NRG2: variants seen among roughly 807,000 people sequenced by gnomAD.
The protein encoded by NRG2 is neuregulin 2.
NRG2 carries 27 observed loss-of-function variants against 73.9 expected under a neutral mutation model. That is an observed-to-expected ratio of 0.37 (90% CI 0.27 to 0.50). NRG2 has a LOEUF of 0.50. Among genes scored for constraint, NRG2 ranks in the 20% least tolerant of loss-of-function variants. The probability of loss-of-function intolerance (pLI) is 0.96; values close to 1 mark genes in which losing one functional copy is unlikely to be tolerated. For synonymous variants in NRG2, 532 were observed against 541.0 expected (o/e 0.98, Z 0.23); for missense variants, 1,126 against 1,210.1 (o/e 0.93, Z 1.03).
At chr5:139,984,966 C>T (rs1757062011) in intron 1 of NRG2, among the ~76,000 whole-genome samples, 1 of 152,214 alleles carries the variant, frequency 6.6e-6, no homozygotes. Flanking sequence ...TCAACCTTGT[C>T]TTCCAGGGTG....
intron 5 of NRG2, among the ~76,000 whole-genome samples, chr5:139,860,687 T>A (rs1285223221): frequency 6.6e-6 from 1 of 152,186 alleles, no homozygotes; most frequent in South Asian, 2.1e-4. Flanking sequence ...TCTGAGCTCC[T>A]CAACTGGTGG....
chr5:139,861,727 G>A (rs376369532), intron 5 of NRG2: 15 of 516,894 alleles, frequency 2.9e-5, no homozygotes, highest in African/African-American at 9.6e-5. Flanking sequence ...CTGGTCAGGC[G>A]TGCTGAGTAG....
At chr5:139,951,800 C>T (rs764953729) in intron 1 of NRG2, among the ~76,000 whole-genome samples, 6 of 152,216 alleles carry the variant, frequency 3.9e-5, no homozygotes, top group Admixed American at 6.5e-5. Context: ...TCCTATGGCA[C>T]GCCCTCCCCC....
chr5:139,959,549 TA>T (rs1484080566), intron 1 of NRG2, among the ~76,000 whole-genome samples: 1 of 152,202 alleles, frequency 6.6e-6, no homozygotes, highest in African/African-American at 2.4e-5. Flanking sequence ...GCTAATTTTG[TA>T]TTTTTAGTAG....
At position 139,880,865 on chromosome 5, in the gene NRG2, C is replaced by T. The variant is rs1322628994; in HGVS notation, c.982G>A (p.Val328Ile). 3.1e-6 allele frequency: 5 copies of T among 1,613,780 alleles called. No individual in the cohort carries two copies. The highest frequency in any genetic ancestry group is 3.3e-5 in the Admixed American group (2 of 59,968). The change falls in exon 3 of 10, where the codon GTC becomes ATC. Residue 328 changes from valine to isoleucine, a missense_variant. Physicochemically the swap from Val to Ile is conservative, Grantham distance 29 (BLOSUM62 3). Around this residue, in one of 3 missense-constraint regions of NRG2, gnomAD observed 539 missense variants for 703.2 expected, o/e 0.77. Transcript: ENST00000361474. ...GKDTVRGRLYVNSVSTTLSSW... is the reference protein window; with the variant it reads ...GKDTVRGRLYINSVSTTLSSW... Reference sequence around the variant, plus strand: ...GTCTGGGCCCACCTACCGCTGTTGACGTAAAGCCGGCCCCGGACGGTGTCC... The same window carrying T: ...GTCTGGGCCCACCTACCGCTGTTGATGTAAAGCCGGCCCCGGACGGTGTCC...
intron 1 of NRG2, among the ~76,000 whole-genome samples, chr5:139,931,406 A>T (rs1752459156): frequency 6.6e-6 from 1 of 152,190 alleles, no homozygotes; most frequent in Non-Finnish European, 1.5e-5. Flanking sequence ...AAGTCAACAT[A>T]GAGCAGGTGG....
At chr5:140,041,599 TC>T (rs1761919565) in intron 1 of NRG2, among the ~76,000 whole-genome samples, 1 of 149,222 alleles carries the variant, frequency 6.7e-6, no homozygotes, top group Non-Finnish European at 1.5e-5. Flanking sequence ...CTTAAAGCAT[TC>T]AGCAGAAGTT....
chr5:139,974,555 A>G (rs1475628815), intron 1 of NRG2, among the ~76,000 whole-genome samples: 3 of 152,234 alleles, frequency 2.0e-5, no homozygotes, highest in Non-Finnish European at 4.4e-5. Context: ...GACATGAGGC[A>G]ATCGCACACT....
At position 139,848,429 on chromosome 5, in the gene NRG2, C is replaced by T. The variant is rs1389232549; in HGVS notation, c.2041G>A (p.Ala681Thr). The change falls in exon 10 of 10, where the codon GCG becomes ACG. Residue 681 changes from alanine to threonine, a missense_variant. Physicochemically the swap from Ala to Thr is moderately conservative, Grantham distance 58 (BLOSUM62 0). Around this residue, in one of 3 missense-constraint regions of NRG2, gnomAD observed 402 missense variants for 357.8 expected, o/e 1.12. Coordinates refer to ENST00000361474, the MANE Select transcript of NRG2 (RefSeq NM_004883.3). ...QRSYDSYYYP[A>T]AGPGPRRGTC... is the part of the protein sequence containing the mutation. ...CCGCGCCGCGGTCCGGGCCCCGCCG[C>T]GGGGTAATAGTAGCTGTCATAGCTG... 1.9e-5 allele frequency: 24 copies of T among 1,284,928 alleles called. No homozygotes were observed. Among genetic ancestry groups the T allele is most frequent in the Non-Finnish European group, 2.3e-5 (24 of 1,024,608 alleles). The allele number at this position is 1,284,928 out of a possible 1,614,324, so 79.6% of individuals were successfully genotyped here.
In NRG2 at chr5:140,042,646, C is replaced by T. The variant is rs376804956; in HGVS notation, c.424G>A (p.Gly142Ser). ...EGKVQGLVPAGGSSSNSTREP... is the reference protein window; with the variant it reads ...EGKVQGLVPASGSSSNSTREP... ...CGGGTGCTGTTGGAGCTGGAGCCGC[C>T]GGCTGGGACCAGCCCCTGTACCTTG... Residue 142 changes from glycine to serine, a missense_variant, in exon 1 of 10, where the codon GGC (glycine) becomes AGC (serine). By Grantham distance (56) the Gly-to-Ser change is moderately conservative. Around this residue, in one of 3 missense-constraint regions of NRG2, gnomAD observed 539 missense variants for 703.2 expected, o/e 0.77. Coordinates refer to ENST00000361474, the MANE Select transcript of NRG2 (RefSeq NM_004883.3). 246 of 1,599,468 alleles carry T rather than the reference C, an allele frequency of 1.5e-4. No homozygotes were observed. In the African/African-American group the frequency reaches 3.1e-3, roughly 20 times the overall value.
chr5:139,932,810 A>G (rs2126380547), intron 1 of NRG2, among the ~76,000 whole-genome samples: 1 of 152,324 alleles, frequency 6.6e-6, no homozygotes, highest in Admixed American at 6.5e-5. Flanking sequence ...AGAAGTGTCA[A>G]GAAGAAAAAG....
intron 1 of NRG2, among the ~76,000 whole-genome samples, chr5:140,003,659 C>A (rs1053222103): frequency 3.9e-5 from 6 of 152,170 alleles, no homozygotes; most frequent in Non-Finnish European, 8.8e-5. Flanking sequence ...GATAATGAAT[C>A]TGGGTTGCTT....
chr5:140,043,202 G>T lies in NRG2; in HGVS notation c.-133C>A. Reference sequence around the variant, plus strand: ...CCTCCACCGGCAGCCCGGGGAGGTGGCCCAGCTAGGGCAGGGGGCAGGCGG... The same window carrying T: ...CCTCCACCGGCAGCCCGGGGAGGTGTCCCAGCTAGGGCAGGGGGCAGGCGG... On this transcript the variant is annotated 5_prime_UTR_variant, in exon 1 of 10. Transcript: ENST00000361474. This position sits in a 1 kb window ranked among gnomAD's most constrained non-coding sequence, Gnocchi z 6.7. 9.6e-7 allele frequency: 1 copy of T among 1,040,504 alleles called. No individual in the cohort carries two copies. The highest frequency in any genetic ancestry group is 1.3e-6 in the Non-Finnish European group (1 of 748,786). The allele number at this position is 1,040,504 out of a possible 1,614,324, so 64.5% of individuals were successfully genotyped here.
chr5:140,035,916 G>A (rs1024688633), intron 1 of NRG2, among the ~76,000 whole-genome samples: 6 of 152,186 alleles, frequency 3.9e-5, no homozygotes, highest in Admixed American at 6.5e-5. Context: ...ATCACATCTT[G>A]GAGGTCTGCG....
At position 140,042,379 on chromosome 5, in the gene NRG2, T is replaced by A; in HGVS notation, c.691A>T (p.Thr231Ser). Residue 231 changes from threonine to serine, a missense_variant, in exon 1 of 10, where the codon ACT (threonine) becomes TCT (serine). Physicochemically the swap from Thr to Ser is moderately conservative, Grantham distance 58 (BLOSUM62 1). Coordinates refer to ENST00000361474, the MANE Select transcript of NRG2 (RefSeq NM_004883.3). ...LKKEVGKILC[T>S]DCATRPKLKK... ...GGAGGGGGCGACTCACCGCAGTCAG[T>A]GCACAGGATCTTGCCCACCTCTTTC... 6.4e-7 allele frequency: 1 copy of A among 1,573,226 alleles called. No individual in the cohort carries two copies. Among genetic ancestry groups the A allele is most frequent in the Non-Finnish European group, 8.6e-7 (1 of 1,156,398 alleles).
chr5:139,949,458 T>C (rs78228014), intron 1 of NRG2, among the ~76,000 whole-genome samples: 8,169 of 152,306 alleles, frequency 0.054, 359 homozygotes, highest in Middle Eastern at 0.18. Flanking sequence ...ACTTTTTTTT[T>C]TCTTATTTCA....
intron 1 of NRG2, among the ~76,000 whole-genome samples, chr5:139,931,311 T>C (rs1561687898): frequency 6.6e-6 from 1 of 152,186 alleles, no homozygotes; most frequent in East Asian, 1.9e-4. Flanking sequence ...CAACAGGACA[T>C]GGTCCAGCAC....
rs201005881 is a variant in NRG2, at chr5:139,990,873, G to GT, written c.700+51496dup. Among the ~76,000 whole-genome samples, 937 of 152,250 alleles carry GT rather than the reference G, an allele frequency of 6.2e-3. 7 individuals are homozygous for GT. The highest frequency in any genetic ancestry group is 0.021 in the African/African-American group (878 of 41,540). On this transcript the variant is annotated intron_variant, in intron 1 of 9. Transcript: ENST00000361474. ...CTTTTCTTATTAATTTGTAAGAGTT[G>GT]TTTTTTGCGTATCCTTAACACTAAT...
chr5:139,910,036 G>A (rs1373522704), intron 1 of NRG2, among the ~76,000 whole-genome samples: 1 of 152,208 alleles, frequency 6.6e-6, no homozygotes, highest in African/African-American at 2.4e-5. Context: ...GAAGGGGGCT[G>A]TATCGGCTGG....
Sources: gnomAD v4.1 joint callset for allele counts (sites outside exome capture counted in the v4.1 genomes callset) on GRCh38, gnomAD v4.1.1 for gene constraint, gnomAD v4.1.1 regional missense constraint, Gnocchi (gnomAD v3.1) non-coding constraint, MANE v1.5 for transcripts, NCBI Gene and HGNC (gene_info 2026-07-23, HGNC 2026-07-21) for gene names.